C1orf94: variants seen among roughly 807,000 people sequenced by gnomAD.
The protein encoded by C1orf94 is uncharacterized protein C1orf94.
Under a neutral mutation model 53.6 loss-of-function variants are expected in C1orf94, and 45 were observed. The observed-to-expected ratio is 0.84, with a 90% CI of 0.66 to 1.08. C1orf94 has a LOEUF of 1.08. Among genes scored for constraint, C1orf94 ranks in the 50% least tolerant of loss-of-function variants. The pLI, the probability that C1orf94 is intolerant of heterozygous loss-of-function variation, is 0.00. For synonymous variants in C1orf94, 304 were observed against 296.1 expected (o/e 1.03, Z -0.27); for missense variants, 762 against 738.9 (o/e 1.03, Z -0.36).
At chr1:34,204,348 A>G (rs1014022654) in intron 4 of C1orf94, among the ~76,000 whole-genome samples, 3 of 152,124 alleles carry the variant, frequency 2.0e-5, no homozygotes, top group Non-Finnish European at 4.4e-5. Context: ...TGTGTTTGCT[A>G]AAGAGAACAA....
upstream of C1orf94, among the ~76,000 whole-genome samples, chr1:34,173,745 A>G (rs373535410): frequency 2.1e-4 from 32 of 152,382 alleles, 1 homozygote; most frequent in African/African-American, 7.0e-4. Flanking sequence ...CAACCTGCCC[A>G]GGGTAATGTA....
chr1:34,186,552 T>G (rs1224318473), intron 1 of C1orf94, among the ~76,000 whole-genome samples: 1 of 152,220 alleles, frequency 6.6e-6, no homozygotes, highest in Non-Finnish European at 1.5e-5. Context: ...AGGGAGATCA[T>G]AGCATTCGGT....
intron 2 of C1orf94, among the ~76,000 whole-genome samples, chr1:34,198,371 T>G (rs1318439538): frequency 6.6e-6 from 1 of 152,180 alleles, no homozygotes; most frequent in Non-Finnish European, 1.5e-5. Flanking sequence ...GGCCTGGTCC[T>G]CCCTCTCTGG....
chr1:34,204,699 A>G (rs554253856), intron 4 of C1orf94, among the ~76,000 whole-genome samples: 1 of 152,200 alleles, frequency 6.6e-6, no homozygotes, highest in Admixed American at 6.5e-5. Context: ...CTACAAGCCT[A>G]CTAGAGGCTG....
chr1:34,182,837 GT>G (rs1400370952), intron 1 of C1orf94, among the ~76,000 whole-genome samples: 1 of 152,118 alleles, frequency 6.6e-6, no homozygotes, highest in Non-Finnish European at 1.5e-5. Context: ...GGTCTCTGAA[GT>G]AATTCCCCAA....
upstream of C1orf94, among the ~76,000 whole-genome samples, chr1:34,176,295 C>T (rs1378490771): frequency 6.6e-6 from 1 of 152,184 alleles, no homozygotes; most frequent in East Asian, 1.9e-4. Flanking sequence ...CACCCTCTTG[C>T]TTTTCCTTTT....
intron 4 of C1orf94, among the ~76,000 whole-genome samples, chr1:34,207,237 C>T (rs959616051): frequency 6.6e-6 from 1 of 151,074 alleles, no homozygotes. Flanking sequence ...TAGAACTGAC[C>T]ACTGCCACAG....
intron 5 of C1orf94, among the ~76,000 whole-genome samples, chr1:34,208,474 T>C (rs1642836563): frequency 6.6e-6 from 1 of 152,238 alleles, no homozygotes; most frequent in Admixed American, 6.5e-5. Flanking sequence ...AAGGACTGTG[T>C]CTGCACTAAC....
At position 34,207,691 on chromosome 1, in the gene C1orf94, G is replaced by A. The variant is rs1175595907; in HGVS notation, c.1447-466G>A. The stretch of plus-strand genomic sequence containing the variant: ...CAAACCAACACACACACGTAGAGAC[G>A]TGCATAGACACCTTGTGTCTTCAGG... On this transcript the variant is annotated intron_variant, in intron 4 of 6. Coordinates refer to ENST00000488417, the MANE Select transcript of C1orf94 (RefSeq NM_001134734.2). Among the ~76,000 whole-genome samples, 3 of 152,206 alleles carry A rather than the reference G, an allele frequency of 2.0e-5. 1 individual carries two copies. Among genetic ancestry groups the A allele is most frequent in the African/African-American group, 7.2e-5 (3 of 41,446 alleles).
intron 1 of C1orf94, among the ~76,000 whole-genome samples, chr1:34,191,424 C>A (rs1642477354): frequency 6.6e-6 from 1 of 152,136 alleles, no homozygotes; most frequent in Admixed American, 6.5e-5. Context: ...CTCCCCCACC[C>A]CCATTAAACG....
At chr1:34,200,697 G>T in intron 2 of C1orf94, 75 bp from the exon 3 acceptor site, 1 of 1,577,002 alleles carries the variant, frequency 6.3e-7, no homozygotes, top group Non-Finnish European at 8.6e-7. Context: ...TCATCATTTA[G>T]TCCACAAAAA....
At position 34,197,245 on chromosome 1, in the gene C1orf94, G is replaced by T. The variant is rs1425644805; in HGVS notation, c.341G>T (p.Gly114Val). Residue 114 changes from glycine to valine, a missense_variant, in exon 2 of 7, where the codon GGC (glycine) becomes GTC (valine). Coordinates refer to ENST00000488417, the MANE Select transcript of C1orf94 (RefSeq NM_001134734.2). This position sits in a 1 kb window ranked among gnomAD's most constrained non-coding sequence, Gnocchi z 4.1. ...FQEEALELSS[G>V]KDEISLLVEQ... ...TCCAGAGCTCTGGAGCTCAGCAGTG[G>T]CAAAGATGAGATCTCCTTGTTGGTG... is the stretch of plus-strand genomic sequence containing the variant. 3 of 1,539,600 alleles carry T rather than the reference G, an allele frequency of 1.9e-6. No homozygotes were observed. Among genetic ancestry groups the T allele is most frequent in the Admixed American group, 4.0e-5 (2 of 50,224 alleles).
At chr1:34,209,201 C>T (rs1480924302) in intron 5 of C1orf94, among the ~76,000 whole-genome samples, 1 of 151,906 alleles carries the variant, frequency 6.6e-6, no homozygotes, top group Non-Finnish European at 1.5e-5. Context: ...CAGGCTGGTA[C>T]TCCAATGACC....
chr1:34,207,007 T>G (rs537579459), intron 4 of C1orf94, among the ~76,000 whole-genome samples: 125 of 152,104 alleles, frequency 8.2e-4, no homozygotes, highest in Middle Eastern at 3.4e-3. Context: ...ACTTGCAGAC[T>G]CCATATCAGA....
At chr1:34,201,693 A>G (rs1425696531) in intron 3 of C1orf94, among the ~76,000 whole-genome samples, 2 of 152,224 alleles carry the variant, frequency 1.3e-5, no homozygotes, top group African/African-American at 4.8e-5. Context: ...TTTGATAAGG[A>G]TGAATTCCAA....
At position 34,200,900 on chromosome 1, in the gene C1orf94, A is replaced by T; in HGVS notation, c.1138A>T (p.Thr380Ser). The T allele has an allele frequency of 6.2e-7, 1 of 1,614,094 alleles. No homozygotes were observed. The highest frequency in any genetic ancestry group is 8.5e-7 in the Non-Finnish European group (1 of 1,180,018). ...CCDAVGTASL[T>S]LPPKKPTCPA... ...TGACGCAGTGGGCACCGCATCACTG[A>T]CCCTGCCGCCCAAGAAACCTACATG... Residue 380 changes from threonine to serine, a missense_variant, in exon 3 of 7, where the codon ACC becomes TCC. Transcript: ENST00000488417.
chr1:34,204,444 C>A (rs1159329441), intron 4 of C1orf94, among the ~76,000 whole-genome samples: 1 of 152,146 alleles, frequency 6.6e-6, no homozygotes, highest in Non-Finnish European at 1.5e-5. Context: ...AAGAAGGAAG[C>A]TGAAGTGGAC....
chr1:34,177,381 C>T lies in C1orf94; in HGVS notation c.-409C>T, dbSNP rs1642245320. On this transcript the variant is annotated 5_prime_UTR_variant, in exon 1 of 7. Transcript: ENST00000488417. ...TCCTCCGCGTGGCTTAGCGGGACAG[C>T]ATGGGCTGAGCCCAGGCGCCGAAAG... Among the ~76,000 whole-genome samples the T allele has an allele frequency of 6.6e-6, 1 of 152,160 alleles. No individual in the cohort carries two copies. Among genetic ancestry groups the T allele is most frequent in the Non-Finnish European group, 1.5e-5 (1 of 68,008 alleles).
upstream of C1orf94, among the ~76,000 whole-genome samples, chr1:34,174,653 A>G (rs1466729782): frequency 6.6e-6 from 1 of 152,246 alleles, no homozygotes; most frequent in Non-Finnish European, 1.5e-5. Context: ...AGCCAAGTGC[A>G]AGCCAGCGAG....
Sources: allele counts gnomAD v4.1 joint callset (sites outside exome capture counted in the v4.1 genomes callset), GRCh38; gene constraint gnomAD v4.1.1; non-coding constraint Gnocchi (gnomAD v3.1); transcripts MANE v1.5; gene names NCBI Gene and HGNC (gene_info 2026-07-23, HGNC 2026-07-21).